Variants in AKT2 observed in about 807,000 individuals in gnomAD.
The protein encoded by AKT2 is RAC-beta serine/threonine-protein kinase.
In AKT2, 16 loss-of-function variants were observed where a neutral mutation model predicts 58.6. That is an observed-to-expected ratio of 0.27 (90% confidence interval 0.18 to 0.41). The LOEUF is 0.41. Among genes scored for constraint, AKT2 ranks in the 10% least tolerant of loss-of-function variants. AKT2 has a pLI of 1.00. For missense variants in AKT2, 438 were observed against 661.0 expected (o/e 0.66, Z 3.70); for synonymous variants, 253 against 254.0 (o/e 1.00, Z 0.04).
Position 40,235,429 on chromosome 19 carries a change from C to A in AKT2, c.1176-79G>T. 1 of 1,236,390 alleles carries A rather than the reference C, an allele frequency of 8.1e-7. No individual in the cohort carries two copies. Among genetic ancestry groups the A allele is most frequent in the East Asian group, 2.3e-5 (1 of 42,780 alleles). The allele number at this position is 1,236,390 out of a possible 1,614,324, so 76.6% of individuals were successfully genotyped here. A position where few individuals can be genotyped will look rare whatever the true frequency, so the allele number is the denominator to read the frequency against. On this transcript the variant is annotated intron_variant, in intron 11 of 13. Transcript: ENST00000392038. This position sits in a 1 kb window ranked among gnomAD's most constrained non-coding sequence, Gnocchi z 6.3. ...GACGGGCTTTCGGAGCAGGCAGGCC[C>A]TGTATGGCCCTTAATGATTCTGTCT...
chr19:40,284,441 G>A (rs559422501), intron 1 of AKT2, among the ~76,000 whole-genome samples: 1 of 152,216 alleles, frequency 6.6e-6, no homozygotes, highest in African/African-American at 2.4e-5. Context: ...CACCTCCATG[G>A]TCCAAAGCAC....
At position 40,233,624 on chromosome 19, in the gene AKT2, G is replaced by A. The variant is rs767158712; in HGVS notation, c.*248C>T. ...AACCTGAATCTCCAACCGCCCAACAGCCCAGGCCTGGGCGGGAGGTGGAGT... is the reference window on the plus strand; with the variant it reads ...AACCTGAATCTCCAACCGCCCAACAACCCAGGCCTGGGCGGGAGGTGGAGT... On this transcript the variant is annotated 3_prime_UTR_variant, in exon 14 of 14. Transcript: ENST00000392038. This position sits in a 1 kb window ranked among gnomAD's most constrained non-coding sequence, Gnocchi z 4.3. 1 of 748,608 alleles carries A rather than the reference G, an allele frequency of 1.3e-6. No homozygotes were observed. Among genetic ancestry groups the A allele is most frequent in the Non-Finnish European group, 2.5e-6 (1 of 407,234 alleles). 46.4% of individuals were successfully genotyped at this position (748,608 alleles called of 1,614,324 possible).
Position 40,232,382 on chromosome 19 carries a change from G to A in AKT2, c.*1490C>T, listed in dbSNP as rs1292801690. 1.7e-5 allele frequency: 4 copies of A among 233,508 alleles called. No homozygotes were observed. The highest frequency in any genetic ancestry group is 8.8e-5 in the African/African-American group (4 of 45,266). The allele number at this position is 233,508 out of a possible 1,614,324, so 14.5% of individuals were successfully genotyped here. On this transcript the variant is annotated 3_prime_UTR_variant, in exon 14 of 14. Coordinates refer to ENST00000392038, the MANE Select transcript of AKT2 (RefSeq NM_001626.6). ...TTGTACCGTACAAATATGAAGACGA[G>A]GAGAAAGGCCAGTAGGGACGGAGAA...
Position 40,233,538 on chromosome 19 carries a change from A to C in AKT2, c.*334T>G. Reference sequence around the variant, plus strand: ...CAGACACCAGCACGACACCCAGGCCAGAAACTCAGGCAGGCCCCAGGCGCC... The same window carrying C: ...CAGACACCAGCACGACACCCAGGCCCGAAACTCAGGCAGGCCCCAGGCGCC... On this transcript the variant is annotated 3_prime_UTR_variant, in exon 14 of 14. Transcript: ENST00000392038. The surrounding 1 kb of genome is among the most constrained non-coding windows in gnomAD (Gnocchi z 4.3). 3.1e-6 allele frequency: 2 copies of C among 640,936 alleles called. No homozygotes were observed. Among genetic ancestry groups the C allele is most frequent in the Non-Finnish European group, 3.0e-6 (1 of 337,720 alleles). The allele number at this position is 640,936 out of a possible 1,614,324, so 39.7% of individuals were successfully genotyped here.
rs1181181846 is a variant in AKT2 at position 40,240,075 on chromosome 19, G to A, written c.609C>T (p.Val203=). The part of the protein sequence containing the change: ...EVAHTVTESR[V]LQNTRHPFLT... The stretch of plus-strand genomic sequence containing the variant: ...GGAACGGGTGCCTGGTGTTCTGGAG[G>A]ACCCGGCTCTCGGTGACTGTGTGAG... Residue 203 remains valine, a synonymous_variant, in exon 7 of 14, where the codon GTC becomes GTT. Coordinates refer to ENST00000392038, the MANE Select transcript of AKT2 (RefSeq NM_001626.6). 6.2e-7 allele frequency: 1 copy of A among 1,613,948 alleles called. No homozygotes were observed. The highest frequency in any genetic ancestry group is 8.5e-7 in the Non-Finnish European group (1 of 1,180,034).
In AKT2 at chr19:40,231,626, G is replaced by A. The variant is rs1048571361; in HGVS notation, c.*2246C>T. Reference sequence around the variant, plus strand: ...CCCTCTGCACAGCAGGGCTCAGCAGGGCAGGCCAGGGCTCTGGTCCCTGGT... The same window carrying A: ...CCCTCTGCACAGCAGGGCTCAGCAGAGCAGGCCAGGGCTCTGGTCCCTGGT... On this transcript the variant is annotated 3_prime_UTR_variant, in exon 14 of 14. Coordinates refer to ENST00000392038, the MANE Select transcript of AKT2 (RefSeq NM_001626.6). 3.9e-5 allele frequency: 9 copies of A among 233,324 alleles called. No individual in the cohort carries two copies. The East Asian group carries it at 4.2e-4, about 11-fold the overall frequency. 14.5% of individuals were successfully genotyped at this position (233,324 alleles called of 1,614,324 possible).
At chr19:40,241,635 C>T (rs1974412327) in intron 6 of AKT2, 1 of 443,994 alleles carries the variant, frequency 2.3e-6, no homozygotes, top group African/African-American at 2.0e-5. Context: ...CGGGACTCCC[C>T]AACAGCGACG....
At chr19:40,270,406 T>G (rs1976623319) in intron 1 of AKT2, 1 of 151,998 alleles carries the variant, frequency 6.6e-6, no homozygotes, top group Non-Finnish European at 1.5e-5. Flanking sequence ...ATGTACAGAG[T>G]GAAGCCCTGT....
Position 40,234,032 on chromosome 19 carries a change from C to CCCCG in AKT2, c.1367-82_1367-81insCGGG. 5 of 1,461,448 alleles carry CCCCG rather than the reference C, an allele frequency of 3.4e-6. No individual in the cohort carries two copies. Among genetic ancestry groups the CCCCG allele is most frequent in the Non-Finnish European group, 4.7e-6 (5 of 1,070,036 alleles). The allele number at this position is 1,461,448 out of a possible 1,614,324, so 90.5% of individuals were successfully genotyped here. On this transcript the variant is annotated intron_variant, in intron 13 of 13. Coordinates refer to ENST00000392038, the MANE Select transcript of AKT2 (RefSeq NM_001626.6). This position sits in a 1 kb window ranked among gnomAD's most constrained non-coding sequence, Gnocchi z 4.7. The stretch of plus-strand genomic sequence containing the variant: ...TGCCCAGACTCCCTGGGGAAACGGC[C>CCCCG]CCAGCTGGCGGGGGCTGCCCACAGG...
Position 40,232,081 on chromosome 19 carries a change from G to C in AKT2, c.*1791C>G. The C allele has an allele frequency of 4.3e-6, 1 of 233,532 alleles. No homozygotes were observed. Among genetic ancestry groups the C allele is most frequent in the East Asian group, 6.0e-5 (1 of 16,586 alleles). The allele number at this position is 233,532 out of a possible 1,614,324, so 14.5% of individuals were successfully genotyped here. A position where few individuals can be genotyped will look rare whatever the true frequency, so the allele number is the denominator to read the frequency against. On this transcript the variant is annotated 3_prime_UTR_variant, in exon 14 of 14. Coordinates refer to ENST00000392038, the MANE Select transcript of AKT2 (RefSeq NM_001626.6). ...TAGCCTAAGCAGCACTGAGGGCCTG[G>C]AGTGGTCTCTGTCCACCCCACCCCC...
intron 4 of AKT2, 148 bp downstream of exon 4, chr19:40,255,010 C>T (rs1389828579): frequency 6.1e-6 from 4 of 656,980 alleles, no homozygotes; most frequent in Non-Finnish European, 1.1e-5. Flanking sequence ...CAGCTCTTCT[C>T]AGCCCCAGCT....
At chr19:40,266,915 T>C (rs1007465515) in intron 1 of AKT2, among the ~76,000 whole-genome samples, 1 of 152,176 alleles carries the variant, frequency 6.6e-6, no homozygotes, top group Admixed American at 6.5e-5. Flanking sequence ...TGAGCCTTGA[T>C]TGCACCACTG....
In AKT2 at chr19:40,257,586, A is replaced by AACACACACACAC. The variant is rs59835118; in HGVS notation, c.47-544_47-533dup. ...AATATCCAAGCACCCTATGCACACA[A>AACACACACACAC]ACACACACACACACACACACACACA... On this transcript the variant is annotated intron_variant, in intron 2 of 13. Transcript: ENST00000392038. Among the ~76,000 whole-genome samples, 284 of 146,232 alleles carry AACACACACACAC rather than the reference A, an allele frequency of 1.9e-3. 2 individuals carry two copies. The highest frequency in any genetic ancestry group is 6.5e-3 in the African/African-American group (256 of 39,144).
intron 9 of AKT2, chr19:40,236,929 A>AGG (rs1974070006): frequency 5.5e-6 from 1 of 180,520 alleles, no homozygotes; most frequent in African/African-American, 2.4e-5. Flanking sequence ...GCTACTTGCG[A>AGG]GGCTGAGGTG....
At chr19:40,265,644 T>C (rs1277132771) in intron 1 of AKT2, 3 of 384,164 alleles carry the variant, frequency 7.8e-6, no homozygotes, top group African/African-American at 2.1e-5. Context: ...CCACAGTCAC[T>C]CCTGACTGAG....
At chr19:40,254,930 C>T (rs1409567253) in intron 4 of AKT2, among the ~76,000 whole-genome samples, 3 of 152,240 alleles carry the variant, frequency 2.0e-5, no homozygotes, top group Middle Eastern at 3.4e-3. Context: ...AGACATTTCA[C>T]GAGCTCTGCC....
chr19:40,275,378 C>T (rs758736511), intron 1 of AKT2: 1 of 452,078 alleles, frequency 2.2e-6, no homozygotes, highest in Non-Finnish European at 4.5e-6. Context: ...GGCCCAGTGG[C>T]AAAAGGAGAA....
In AKT2 at chr19:40,234,858, G is replaced by A; in HGVS notation, c.1366+187C>T. On this transcript the variant is annotated intron_variant, in intron 13 of 13. Coordinates refer to ENST00000392038, the MANE Select transcript of AKT2 (RefSeq NM_001626.6). This position sits in a 1 kb window ranked among gnomAD's most constrained non-coding sequence, Gnocchi z 4.7. Reference sequence around the variant, plus strand: ...AGCTCCAGAACGTGCTGCAGTCAATGGCTCCTGGTGGCCTCACCAGGTCCA... The same window carrying A: ...AGCTCCAGAACGTGCTGCAGTCAATAGCTCCTGGTGGCCTCACCAGGTCCA... 1.5e-6 allele frequency: 1 copy of A among 685,494 alleles called. No homozygotes were observed. The highest frequency in any genetic ancestry group is 2.6e-6 in the Non-Finnish European group (1 of 378,018). 42.5% of individuals were successfully genotyped at this position (685,494 alleles called of 1,614,324 possible).
At chr19:40,282,127 C>T (rs545265118) in intron 1 of AKT2, 15 of 202,298 alleles carry the variant, frequency 7.4e-5, no homozygotes, top group African/African-American at 2.4e-4. Context: ...AGCTGGATCC[C>T]GGAATGCTCG....
Sources: allele counts gnomAD v4.1 joint callset (sites outside exome capture counted in the v4.1 genomes callset), GRCh38; gene constraint gnomAD v4.1.1; non-coding constraint Gnocchi (gnomAD v3.1); transcripts MANE v1.5; gene names NCBI Gene and HGNC (gene_info 2026-07-23, HGNC 2026-07-21).